ZNF124: variants seen among roughly 807,000 people sequenced by gnomAD.
ZNF124 encodes zinc finger protein HZF-16.
Under a neutral mutation model 26.6 loss-of-function variants are expected in ZNF124, and 25 were observed. The observed-to-expected ratio is 0.94, with a 90% CI of 0.68 to 1.31. ZNF124 has a LOEUF of 1.31. Among genes scored for constraint, ZNF124 ranks in the 40% most tolerant of loss-of-function variants. ZNF124 has a pLI of 0.00. For synonymous variants in ZNF124, 129 were observed against 133.3 expected, an observed-to-expected ratio of 0.97 and a Z score of 0.22; for missense variants, 444 against 422.2, an observed-to-expected ratio of 1.05 and a Z score of -0.45.
At chr1:247,125,402 C>G (rs901998248) in intron 3 of ZNF124, among the ~76,000 whole-genome samples, 3 of 143,844 alleles carry the variant, frequency 2.1e-5, no homozygotes, top group Non-Finnish European at 4.5e-5. Flanking sequence ...TCCAATTTCT[C>G]CGTATCTTCA....
At chr1:247,140,345 T>C (rs2103105475) in intron 3 of ZNF124, among the ~76,000 whole-genome samples, 1 of 152,382 alleles carries the variant, frequency 6.6e-6, no homozygotes, top group Admixed American at 6.5e-5. Flanking sequence ...CATCAGGCTC[T>C]TTTTTATATC....
intron 3 of ZNF124, 53 bp from the exon 4 acceptor site, chr1:247,157,456 G>A: frequency 6.6e-7 from 1 of 1,508,990 alleles, no homozygotes; most frequent in Non-Finnish European, 9.0e-7. Flanking sequence ...ATGCATTCAT[G>A]TGGTTTTACT....
intron 3 of ZNF124, among the ~76,000 whole-genome samples, chr1:247,144,106 T>A (rs976360216): frequency 1.3e-5 from 2 of 152,214 alleles, no homozygotes; most frequent in Non-Finnish European, 2.9e-5. Flanking sequence ...GATTTTTCTT[T>A]GGCCCTCACT....
At chr1:247,169,346 G>A (rs1286005137) in intron 1 of ZNF124, among the ~76,000 whole-genome samples, 1 of 152,234 alleles carries the variant, frequency 6.6e-6, no homozygotes, top group African/African-American at 2.4e-5. Flanking sequence ...GTGGCCCACT[G>A]TGTGCCTAAG....
chr1:247,138,546 TAACA>T, intron 3 of ZNF124: 1 of 377,512 alleles, frequency 2.6e-6, no homozygotes, highest in Non-Finnish European at 4.7e-6. Context: ...TATACCCATG[TAACA>T]AACTCACATG....
At chr1:247,140,404 G>A (rs1672597689) in intron 3 of ZNF124, among the ~76,000 whole-genome samples, 1 of 152,160 alleles carries the variant, frequency 6.6e-6, no homozygotes, top group East Asian at 1.9e-4. Flanking sequence ...TTTGGATTGG[G>A]TTTTGCATTT....
At chr1:247,130,183 A>G (rs971189631) in intron 3 of ZNF124, among the ~76,000 whole-genome samples, 3 of 152,256 alleles carry the variant, frequency 2.0e-5, no homozygotes, top group Admixed American at 6.5e-5. Context: ...AATATTTTCA[A>G]AAGGCCAAGA....
intron 3 of ZNF124, among the ~76,000 whole-genome samples, chr1:247,133,255 AG>A (rs1220285066): frequency 1.3e-5 from 2 of 152,214 alleles, no homozygotes; most frequent in African/African-American, 4.8e-5. Context: ...AAAATGAAAA[AG>A]AATTAACAAA....
chr1:247,163,471 T>TAA (rs564852380), intron 1 of ZNF124, among the ~76,000 whole-genome samples: 197 of 133,334 alleles, frequency 1.5e-3, no homozygotes, highest in African/African-American at 5.0e-3. Flanking sequence ...TCACAGAAAC[T>TAA]AAAAAAAAAA....
At chr1:247,133,230 A>G (rs892111097) in intron 3 of ZNF124, among the ~76,000 whole-genome samples, 4 of 152,168 alleles carry the variant, frequency 2.6e-5, no homozygotes, top group Non-Finnish European at 4.4e-5. Context: ...ACATGCAGAC[A>G]AGAAGAGAGA....
intron 1 of ZNF124, among the ~76,000 whole-genome samples, chr1:247,163,913 A>C (rs1164754015): frequency 6.6e-6 from 1 of 152,176 alleles, no homozygotes; most frequent in East Asian, 1.9e-4. Context: ...AGCAAACCAA[A>C]TCCAGCACAC....
At chr1:247,157,558 T>C in intron 3 of ZNF124, 155 bp from the exon 4 acceptor site, 2 of 680,156 alleles carry the variant, frequency 2.9e-6, no homozygotes, top group South Asian at 3.7e-5. Flanking sequence ...GTCTATCATA[T>C]GACTTCTGCA....
intron 3 of ZNF124, among the ~76,000 whole-genome samples, chr1:247,134,740 G>C (rs891772552): frequency 2.6e-5 from 4 of 152,152 alleles, no homozygotes; most frequent in African/African-American, 9.7e-5. Context: ...CTCAGCTCTG[G>C]ATCAAGTGAC....
Position 247,159,731 on chromosome 1 carries a change from TAGAG to T in ZNF124, c.109_112del (p.Leu37IlefsTer4). 3 of 1,613,836 alleles carry T rather than the reference TAGAG, an allele frequency of 1.9e-6. No homozygotes were observed. Among genetic ancestry groups the T allele is most frequent in the Non-Finnish European group, 2.5e-6 (3 of 1,179,926 alleles). On this transcript the variant is annotated frameshift_variant, in exon 2 of 4. Coordinates refer to ENST00000543802, the MANE Select transcript of ZNF124 (RefSeq NM_001297568.2). LOFTEE classifies it high-confidence loss of function. ...GAAGGTTTCCTGCATCACGTCTCTA[TAGAG>T]ATTCTTCTGGGAAGGATCCAACAAA...
intron 3 of ZNF124, among the ~76,000 whole-genome samples, chr1:247,131,038 T>C (rs1025960692): frequency 2.6e-5 from 4 of 152,198 alleles, no homozygotes; most frequent in East Asian, 1.9e-4. Context: ...ATTATGCCAT[T>C]GCACCCCAAC....
intron 3 of ZNF124, among the ~76,000 whole-genome samples, chr1:247,130,577 T>C (rs986433158): frequency 1.2e-4 from 18 of 152,368 alleles, no homozygotes; most frequent in African/African-American, 4.1e-4. Flanking sequence ...TTTAGATGTG[T>C]TAACATCGAA....
intron 3 of ZNF124, among the ~76,000 whole-genome samples, chr1:247,125,430 CTTTTTTTTTTTTTTTTTTTTT>C (rs71566695): frequency 2.3e-5 from 1 of 43,294 alleles, no homozygotes; most frequent in African/African-American, 8.3e-5. Flanking sequence ...CTGTTTTTGT[CTTTTTTTTTTTTTTTTTTTTT>C]TTTTTTTTTT....
intron 1 of ZNF124, among the ~76,000 whole-genome samples, chr1:247,165,157 A>G (rs915298025): frequency 2.6e-5 from 4 of 152,122 alleles, no homozygotes; most frequent in Non-Finnish European, 4.4e-5. Flanking sequence ...TAGTAGAGAC[A>G]GGGTTTCACC....
Position 247,155,048 on chromosome 1 carries a change from A to C in ZNF124, c.*1518T>G, listed in dbSNP as rs894705174. 6.6e-6 allele frequency among the ~76,000 whole-genome samples: 1 copy of C among 152,230 alleles called. No individual in the cohort carries two copies. The highest frequency in any genetic ancestry group is 1.5e-5 in the Non-Finnish European group (1 of 68,030). ...TCAGCTAACATCATACATGATGATAAGACTGGATGCTTTCTTTCTCAGATT... is the reference window on the plus strand; with the variant it reads ...TCAGCTAACATCATACATGATGATACGACTGGATGCTTTCTTTCTCAGATT... On this transcript the variant is annotated 3_prime_UTR_variant, in exon 4 of 4. Coordinates refer to ENST00000543802, the MANE Select transcript of ZNF124 (RefSeq NM_001297568.2).
Sources: allele counts gnomAD v4.1 joint callset (sites outside exome capture counted in the v4.1 genomes callset), GRCh38; gene constraint gnomAD v4.1.1; transcripts MANE v1.5; gene names NCBI Gene and HGNC (gene_info 2026-07-23, HGNC 2026-07-21).